HAPSTR1: variants seen among roughly 807,000 people sequenced by gnomAD.
HAPSTR1 encodes the protein HUWE1 associated protein modifying stress responses.
At chr16:9,109,814 T>G in the HAPSTR1 span, 2 of 152,160 alleles carry the variant, frequency 1.3e-5, no homozygotes, top group South Asian at 2.1e-4. Flanking sequence ...AGCAGTACTT[T>G]GTGAGTTACA....
At chr16:9,095,807 G>A in the HAPSTR1 span, among the ~76,000 whole-genome samples, 2 of 152,192 alleles carry the variant, frequency 1.3e-5, no homozygotes, top group Non-Finnish European at 1.5e-5. Flanking sequence ...AATGGAGTGG[G>A]TGGTTACCTC....
chr16:9,101,844 G>A, the HAPSTR1 span, among the ~76,000 whole-genome samples: 46 of 152,146 alleles, frequency 3.0e-4, no homozygotes, highest in Non-Finnish European at 5.4e-4. Flanking sequence ...TAAAGCCGCC[G>A]GTTGCAGTGG....
At chr16:9,093,358 C>T in the HAPSTR1 span, among the ~76,000 whole-genome samples, 2 of 152,274 alleles carry the variant, frequency 1.3e-5, no homozygotes, top group African/African-American at 4.8e-5. Context: ...CAGTAGTGCT[C>T]AGGTTGAGAA....
chr16:9,103,340 TC>T, the HAPSTR1 span: 1 of 1,424,534 alleles, frequency 7.0e-7, no homozygotes, highest in South Asian at 1.4e-5. Context: ...TAGGTTTAGG[TC>T]CAGATATACT....
At chr16:9,104,664 G>A in the HAPSTR1 span, 1 of 152,308 alleles carries the variant, frequency 6.6e-6, no homozygotes, top group Non-Finnish European at 1.5e-5. Context: ...TTCAGGTTGT[G>A]TGGATGCAGT....
At chr16:9,103,439 A>C in the HAPSTR1 span, 9 of 622,550 alleles carry the variant, frequency 1.4e-5, no homozygotes, top group African/African-American at 1.5e-4. Flanking sequence ...TCTGTCAGCT[A>C]ACCTATCCTA....
the HAPSTR1 span, chr16:9,092,016 G>A: frequency 6.8e-7 from 1 of 1,478,512 alleles, no homozygotes; most frequent in South Asian, 1.3e-5. Flanking sequence ...CGGCGGCGGT[G>A]GCGGCGAGGC....
chr16:9,116,568 C>T, the HAPSTR1 span: 9 of 1,438,958 alleles, frequency 6.3e-6, no homozygotes, highest in East Asian at 2.1e-4. Flanking sequence ...AGGAAATAGG[C>T]AGACATGCTT....
chr16:9,106,097 T>C, the HAPSTR1 span: 1 of 152,192 alleles, frequency 6.6e-6, no homozygotes. Context: ...GAGACTAATG[T>C]AAACAGCTTT....
chr16:9,094,094 C>T, the HAPSTR1 span, among the ~76,000 whole-genome samples: 3 of 152,100 alleles, frequency 2.0e-5, no homozygotes, highest in Admixed American at 6.6e-5. Context: ...ATGGCCGCAG[C>T]ATCTTGTAGG....
At chr16:9,116,377 A>G in the HAPSTR1 span, among the ~76,000 whole-genome samples, 1 of 152,170 alleles carries the variant, frequency 6.6e-6, no homozygotes, top group East Asian at 1.9e-4. Context: ...TACCTCATAG[A>G]TGGGAGAATT....
chr16:9,092,310 C>T, the HAPSTR1 span: 2 of 1,434,416 alleles, frequency 1.4e-6, no homozygotes, highest in South Asian at 1.4e-5. Flanking sequence ...CTTGGCCGCC[C>T]CCGCCCGGGC....
the HAPSTR1 span, among the ~76,000 whole-genome samples, chr16:9,099,889 T>A: frequency 6.6e-6 from 1 of 152,248 alleles, no homozygotes; most frequent in Non-Finnish European, 1.5e-5. Flanking sequence ...TTGTTTTCAG[T>A]CAGGTAACTA....
chr16:9,097,655 A>C, the HAPSTR1 span, among the ~76,000 whole-genome samples: 10 of 152,322 alleles, frequency 6.6e-5, no homozygotes, highest in Non-Finnish European at 1.0e-4. Context: ...CCACAGTAGG[A>C]TTGACTTAAT....
the HAPSTR1 span, among the ~76,000 whole-genome samples, chr16:9,097,546 T>G: frequency 6.6e-6 from 1 of 152,322 alleles, no homozygotes; most frequent in South Asian, 2.1e-4. Context: ...CTGTGTGTAG[T>G]TTTTCTGTGA....
the HAPSTR1 span, chr16:9,116,918 A>G: frequency 2.5e-6 from 4 of 1,612,724 alleles, no homozygotes; most frequent in South Asian, 1.1e-5. Flanking sequence ...TCTAAACTGC[A>G]AACATTTTCA....
At chr16:9,103,770 C>G in the HAPSTR1 span, 1 of 155,046 alleles carries the variant, frequency 6.4e-6, no homozygotes, top group Non-Finnish European at 1.4e-5. Context: ...TCCCTCAGGT[C>G]CCTTGCACTT....
the HAPSTR1 span, among the ~76,000 whole-genome samples, chr16:9,098,785 G>A: frequency 6.6e-6 from 1 of 152,176 alleles, no homozygotes; most frequent in Non-Finnish European, 1.5e-5. Flanking sequence ...ATGTAGCATT[G>A]TGCTCTTATG....
the HAPSTR1 span, chr16:9,120,060 G>A: frequency 7.2e-5 from 11 of 152,324 alleles, no homozygotes; most frequent in African/African-American, 2.2e-4. Flanking sequence ...TGGTGACTAC[G>A]TCAGCAGATT....
Sources: gnomAD v4.1 joint callset for allele counts (sites outside exome capture counted in the v4.1 genomes callset) on GRCh38, gnomAD v4.1.1 for gene constraint, MANE v1.5 for transcripts, NCBI Gene and HGNC (gene_info 2026-07-23, HGNC 2026-07-21) for gene names.